ABCD2: variants seen among roughly 807,000 people sequenced by gnomAD.
ABCD2 encodes ATP-binding cassette sub-family D member 2.
A neutral mutation model predicts 70.9 loss-of-function variants in ABCD2; 36 were observed. The ratio of observed to expected loss-of-function variants is 0.51; its 90% CI spans 0.39 to 0.67. ABCD2 has a LOEUF of 0.67. Among genes scored for constraint, ABCD2 ranks in the 30% least tolerant of loss-of-function variants. The pLI, the probability that ABCD2 is intolerant of heterozygous loss-of-function variation, is 0.00. For missense variants in ABCD2, 729 were observed against 890.2 expected, an observed-to-expected ratio of 0.82 and a Z score of 2.30; for synonymous variants, 304 against 306.9, an observed-to-expected ratio of 0.99 and a Z score of 0.10.
chr12:39,569,542 G>A (rs1331546824), intron 9 of ABCD2, among the ~76,000 whole-genome samples: 1 of 152,198 alleles, frequency 6.6e-6, no homozygotes, highest in Non-Finnish European at 1.5e-5. Flanking sequence ...ACTTTGAGTA[G>A]GAAAGGGAAT....
intron 6 of ABCD2, among the ~76,000 whole-genome samples, chr12:39,597,904 T>C (rs991468458): frequency 4.2e-4 from 64 of 152,314 alleles, no homozygotes; most frequent in African/African-American, 1.5e-3. Flanking sequence ...AGATTTTCTT[T>C]TATCTGGTTC....
chr12:39,558,098 A>C (rs1236557966), intron 9 of ABCD2, among the ~76,000 whole-genome samples: 1 of 152,232 alleles, frequency 6.6e-6, no homozygotes, highest in South Asian at 2.1e-4. Context: ...GCAAAGCTAC[A>C]GGGGTGAGCA....
intron 1 of ABCD2, 130 bp from the exon 2 acceptor site, chr12:39,617,298 T>A: frequency 1.9e-6 from 1 of 536,268 alleles, no homozygotes; most frequent in Non-Finnish European, 2.9e-6. Flanking sequence ...TTAGTTATTA[T>A]TTAGTTTTGG....
chr12:39,534,903 AG>A, the ABCD2 span, among the ~76,000 whole-genome samples: 1 of 74,758 alleles, frequency 1.3e-5, no homozygotes, highest in Non-Finnish European at 2.4e-5. Context: ...AAAGAAAGAA[AG>A]AAAGAAAGAA....
At chr12:39,568,636 C>G (rs933233709) in intron 9 of ABCD2, among the ~76,000 whole-genome samples, 7 of 152,156 alleles carry the variant, frequency 4.6e-5, no homozygotes, top group Admixed American at 3.9e-4. Flanking sequence ...TCGTCAAAGT[C>G]ATTTTCCATC....
At chr12:39,586,326 T>C in intron 6 of ABCD2, 29 bp from the exon 7 acceptor site, 1 of 1,596,288 alleles carries the variant, frequency 6.3e-7, no homozygotes, top group East Asian at 2.2e-5. Flanking sequence ...ACAAGAATCC[T>C]AGTGGAAAGT....
At chr12:39,583,885 C>T (rs1941630579) in intron 7 of ABCD2, among the ~76,000 whole-genome samples, 1 of 152,126 alleles carries the variant, frequency 6.6e-6, no homozygotes, top group Non-Finnish European at 1.5e-5. Context: ...CATAATATTC[C>T]ATGGTGGACC....
intron 7 of ABCD2, 147 bp downstream of exon 7, chr12:39,586,005 G>A: frequency 1.5e-6 from 1 of 666,322 alleles, no homozygotes; most frequent in South Asian, 3.2e-5. Context: ...TGTAAATAAT[G>A]GAACAGCAAT....
At chr12:39,535,871 G>A in the ABCD2 span, among the ~76,000 whole-genome samples, 2 of 152,110 alleles carry the variant, frequency 1.3e-5, no homozygotes, top group Non-Finnish European at 2.9e-5. Flanking sequence ...GGCCAGGCGC[G>A]GTGGCTCATG....
the ABCD2 span, among the ~76,000 whole-genome samples, chr12:39,536,311 G>C: frequency 2.6e-5 from 4 of 152,282 alleles, 1 homozygote; most frequent in African/African-American, 7.2e-5. Context: ...TCAGACCCCA[G>C]ACAATTCTAC....
chr12:39,611,696 G>A (rs1332363827), intron 2 of ABCD2, among the ~76,000 whole-genome samples: 2 of 151,944 alleles, frequency 1.3e-5, no homozygotes, highest in African/African-American at 4.8e-5. Context: ...GAAAATTATT[G>A]GTGAATTAAA....
intron 9 of ABCD2, among the ~76,000 whole-genome samples, chr12:39,571,723 C>A (rs1163512395): frequency 6.6e-6 from 1 of 152,134 alleles, no homozygotes; most frequent in Non-Finnish European, 1.5e-5. Flanking sequence ...CTTTAAACTT[C>A]CTTCACAAAT....
At chr12:39,575,132 AG>A (rs1461784766) in intron 8 of ABCD2, among the ~76,000 whole-genome samples, 2 of 152,212 alleles carry the variant, frequency 1.3e-5, no homozygotes, top group Admixed American at 1.3e-4. Context: ...GAAGTATAAA[AG>A]TGAAAGGTTG....
At chr12:39,542,629 G>A in the ABCD2 span, among the ~76,000 whole-genome samples, 1 of 152,180 alleles carries the variant, frequency 6.6e-6, no homozygotes, top group South Asian at 2.1e-4. Flanking sequence ...GTTATTTAGG[G>A]GTCACAATGA....
chr12:39,562,278 G>C (rs978019731), intron 9 of ABCD2, among the ~76,000 whole-genome samples: 6 of 151,684 alleles, frequency 4.0e-5, no homozygotes, highest in African/African-American at 1.5e-4. Flanking sequence ...TGTAGGTCAA[G>C]GAACTGGAAA....
intron 4 of ABCD2, 141 bp downstream of exon 4, chr12:39,604,621 A>G: frequency 1.8e-6 from 1 of 569,296 alleles, no homozygotes; most frequent in Non-Finnish European, 2.9e-6. Context: ...TTGCAATACT[A>G]ATATTAGGGA....
chr12:39,545,025 G>T, the ABCD2 span, among the ~76,000 whole-genome samples: 2 of 152,178 alleles, frequency 1.3e-5, no homozygotes, highest in Non-Finnish European at 2.9e-5. Context: ...TTAAACTGCA[G>T]AAAAACACCT....
chr12:39,604,125 T>C lies in ABCD2; in HGVS notation c.1406-119A>G, dbSNP rs922806970. ...TATAAAGATAATTCACAGTAATAAA[T>C]CACAGAAACAAATGTAAATATAGAT... On this transcript the variant is annotated intron_variant, in intron 4 of 9. Coordinates refer to ENST00000308666, the MANE Select transcript of ABCD2 (RefSeq NM_005164.4). The C allele has an allele frequency of 5.8e-6, 4 of 691,502 alleles. No individual in the cohort carries two copies. In the African/African-American group the frequency reaches 7.4e-5, roughly 13 times the overall value. The allele number at this position is 691,502 out of a possible 1,614,324, so 42.8% of individuals were successfully genotyped here.
chr12:39,532,949 G>A, the ABCD2 span, among the ~76,000 whole-genome samples: 1 of 152,122 alleles, frequency 6.6e-6, no homozygotes, highest in East Asian at 1.9e-4. Context: ...CATGAGGTCA[G>A]GAGTTTGACA....
Sources: gnomAD v4.1 joint callset for allele counts (sites outside exome capture counted in the v4.1 genomes callset) on GRCh38, gnomAD v4.1.1 for gene constraint, MANE v1.5 for transcripts, NCBI Gene and HGNC (gene_info 2026-07-23, HGNC 2026-07-21) for gene names.